The following CDH18 variants were observed in gnomAD, a reference collection of about 807,000 sequenced individuals.
The protein encoded by CDH18 is cadherin 18.
Under a neutral mutation model 67.9 loss-of-function variants are expected in CDH18, and 31 were observed. The observed-to-expected ratio is 0.46, with a 90% CI of 0.34 to 0.62. The LOEUF (loss-of-function observed/expected upper bound fraction) is 0.62. CDH18 is among the 20% of genes least tolerant of loss of function. CDH18 has a pLI of 0.01. For synonymous variants in CDH18, 362 were observed against 347.2 expected (o/e 1.04, Z -0.48); for missense variants, 890 against 975.5 (o/e 0.91, Z 1.17).
chr5:19,814,615 A>G (rs1779096480), intron 3 of CDH18, among the ~76,000 whole-genome samples: 1 of 152,068 alleles, frequency 6.6e-6, no homozygotes, highest in African/African-American at 2.4e-5. Flanking sequence ...TTGCACTTGT[A>G]GGTCCTTTTA....
chr5:20,125,965 C>A (rs1748784713), intron 2 of CDH18, among the ~76,000 whole-genome samples: 1 of 152,100 alleles, frequency 6.6e-6, no homozygotes, highest in Non-Finnish European at 1.5e-5. Flanking sequence ...AAAAGAAATT[C>A]TAAAACGTAT....
intron 2 of CDH18, among the ~76,000 whole-genome samples, chr5:20,097,583 G>T (rs909631374): frequency 3.3e-5 from 5 of 152,068 alleles, no homozygotes; most frequent in African/African-American, 1.2e-4. Context: ...GCCAAACCAT[G>T]TAACTCACTG....
At chr5:19,535,472 G>A (rs1160784718) in intron 9 of CDH18, among the ~76,000 whole-genome samples, 3 of 152,062 alleles carry the variant, frequency 2.0e-5, no homozygotes, top group Non-Finnish European at 4.4e-5. Context: ...TACTCACTCC[G>A]AGGTGACGGG....
At chr5:20,074,154 A>G (rs1304369693) in intron 2 of CDH18, among the ~76,000 whole-genome samples, 1 of 152,146 alleles carries the variant, frequency 6.6e-6, no homozygotes, top group Non-Finnish European at 1.5e-5. Context: ...TAGTGGATAA[A>G]GTATAATAAT....
Position 19,473,187 on chromosome 5 carries a change from T to C in CDH18, c.*39A>G. ...TTGCTGAGGTTGTATATCCACTTAC[T>C]CAGGAAGCAAATTCCACAAGGTTGC... On this transcript the variant is annotated 3_prime_UTR_variant, in exon 13 of 13. Coordinates refer to ENST00000382275, the MANE Select transcript of CDH18 (RefSeq NM_004934.5). 1 of 1,594,666 alleles carries C rather than the reference T, an allele frequency of 6.3e-7. No homozygotes were observed. Among genetic ancestry groups the C allele is most frequent in the East Asian group, 2.2e-5 (1 of 44,694 alleles).
chr5:20,414,618 T>A (rs1041317461), intron 1 of CDH18, among the ~76,000 whole-genome samples: 3 of 152,034 alleles, frequency 2.0e-5, no homozygotes, highest in Admixed American at 6.6e-5. Flanking sequence ...ATGTAAAAAA[T>A]AAATAAATAA....
intron 1 of CDH18, among the ~76,000 whole-genome samples, chr5:20,491,669 G>T (rs1364059577): frequency 6.6e-6 from 1 of 152,210 alleles, no homozygotes; most frequent in Non-Finnish European, 1.5e-5. Flanking sequence ...GGATTTTGTA[G>T]TATTCAGGCC....
At chr5:19,571,483 G>T in intron 8 of CDH18, 96 bp downstream of exon 8, 1 of 1,094,654 alleles carries the variant, frequency 9.1e-7, no homozygotes, top group Non-Finnish European at 1.3e-6. Flanking sequence ...AAACAACGTA[G>T]AAATAAAACA....
intron 2 of CDH18, among the ~76,000 whole-genome samples, chr5:20,184,122 C>A (rs1401783431): frequency 6.6e-6 from 1 of 151,846 alleles, no homozygotes; most frequent in East Asian, 1.9e-4. Flanking sequence ...AATATTTTCA[C>A]CTGAGGAATG....
Position 20,075,033 on chromosome 5 carries a change from A to C in CDH18, c.-517-83019T>G, listed in dbSNP as rs574797095. Among the ~76,000 whole-genome samples, 43 of 152,312 alleles carry C rather than the reference A, an allele frequency of 2.8e-4. 1 individual carries two copies. The South Asian group carries it at 8.9e-3, about 32-fold the overall frequency. On this transcript the variant is annotated intron_variant, in intron 2 of 14. Coordinates refer to the CDH18 transcript ENST00000507958. ...AATTAGATGGAAAATACACTGAAGAAAAATAAATCATTTGTAACATCCACA... is the reference window on the plus strand; with the variant it reads ...AATTAGATGGAAAATACACTGAAGACAAATAAATCATTTGTAACATCCACA...
At chr5:19,748,077 C>A (rs1230235459) in intron 3 of CDH18, among the ~76,000 whole-genome samples, 2 of 113,386 alleles carry the variant, frequency 1.8e-5, no homozygotes, top group Non-Finnish European at 3.3e-5. Context: ...CGCGCCACTG[C>A]ACTCCAGGCT....
intron 9 of CDH18, 36 bp from the exon 10 acceptor site, chr5:19,520,814 T>G: frequency 1.9e-6 from 3 of 1,608,964 alleles, no homozygotes; most frequent in Non-Finnish European, 1.7e-6. Context: ...AGTATTTCCA[T>G]GCACACTTTA....
intron 9 of CDH18, among the ~76,000 whole-genome samples, chr5:19,538,134 C>A (rs770300): frequency 6.6e-6 from 1 of 151,810 alleles, no homozygotes; most frequent in Non-Finnish European, 1.5e-5. Context: ...GGGAAAATTG[C>A]GTGATAGCAT....
intron 2 of CDH18, among the ~76,000 whole-genome samples, chr5:19,930,553 A>G (rs1398114544): frequency 6.6e-6 from 1 of 152,052 alleles, no homozygotes; most frequent in Non-Finnish European, 1.5e-5. Context: ...TCAATCAAGG[A>G]GGAAATATTG....
chr5:20,218,996 A>AT (rs1282476542), intron 2 of CDH18, among the ~76,000 whole-genome samples: 1 of 152,024 alleles, frequency 6.6e-6, no homozygotes, highest in African/African-American at 2.4e-5. Flanking sequence ...CAAACCTAAA[A>AT]TTAGAAGAAA....
chr5:20,470,683 C>A (rs1181505120), intron 1 of CDH18, among the ~76,000 whole-genome samples: 4 of 152,178 alleles, frequency 2.6e-5, no homozygotes, highest in Non-Finnish European at 5.9e-5. Context: ...GGGCTTCCGT[C>A]TCTATGCAAT....
chr5:19,610,910 C>T (rs1026744449), intron 6 of CDH18, among the ~76,000 whole-genome samples: 2 of 152,006 alleles, frequency 1.3e-5, no homozygotes, highest in South Asian at 2.1e-4. Flanking sequence ...ATAGAGCAAA[C>T]GCCACATGAA....
chr5:19,900,155 C>A (rs967750576), intron 2 of CDH18, among the ~76,000 whole-genome samples: 2 of 151,960 alleles, frequency 1.3e-5, no homozygotes, highest in African/African-American at 4.8e-5. Flanking sequence ...AGACAAATAT[C>A]AGGTAATCTC....
intron 2 of CDH18, among the ~76,000 whole-genome samples, chr5:19,960,609 A>ACGTGTATATATATATATACACAC (rs1554072050): frequency 1.7e-4 from 19 of 114,346 alleles, no homozygotes; most frequent in African/African-American, 1.0e-3. Context: ...ATATACACAC[A>ACGTGTATATATATATATACACAC]CGTGTATATA....
Sources: allele counts gnomAD v4.1 joint callset (sites outside exome capture counted in the v4.1 genomes callset), GRCh38; gene constraint gnomAD v4.1.1; transcripts MANE v1.5; gene names NCBI Gene and HGNC (gene_info 2026-07-23, HGNC 2026-07-21).